The following NAALADL2 variants were observed in gnomAD, a reference collection of about 807,000 sequenced individuals.
NAALADL2 encodes inactive N-acetylated-alpha-linked acidic dipeptidase-like protein 2.
NAALADL2 carries 76 observed loss-of-function variants against 87.2 expected under a neutral mutation model. The ratio of observed to expected loss-of-function variants is 0.87; its 90% confidence interval spans 0.72 to 1.05. NAALADL2 has a LOEUF of 1.05. Ranked by LOEUF, NAALADL2 falls within the 50% of genes least tolerant of loss-of-function variation. The pLI, the probability that NAALADL2 is intolerant of heterozygous loss-of-function variation, is 0.00. For synonymous variants in NAALADL2, 354 were observed against 331.0 expected (o/e 1.07, Z -0.75); for missense variants, 1,089 against 945.8 (o/e 1.15, Z -1.99).
intron 11 of NAALADL2, among the ~76,000 whole-genome samples, chr3:175,711,724 C>T (rs1325685163): frequency 6.6e-6 from 1 of 151,774 alleles, no homozygotes. Flanking sequence ...ATTCTTGTTG[C>T]TGTTTTGTGT....
chr3:175,648,743 T>TTA (rs1730359638), intron 11 of NAALADL2, among the ~76,000 whole-genome samples: 1 of 152,202 alleles, frequency 6.6e-6, no homozygotes, highest in East Asian at 1.9e-4. Context: ...TTGCTGAACC[T>TTA]TATTGCATCT....
At chr3:175,538,556 TA>T (rs1339553927) in intron 9 of NAALADL2, among the ~76,000 whole-genome samples, 18 of 152,300 alleles carry the variant, frequency 1.2e-4, no homozygotes, top group African/African-American at 4.3e-4. Context: ...TGAAGTTTTC[TA>T]TCCTAATATT....
intron 1 of NAALADL2, among the ~76,000 whole-genome samples, chr3:174,960,089 G>C (rs1420653736): frequency 1.3e-5 from 2 of 152,000 alleles, no homozygotes; most frequent in Admixed American, 6.6e-5. Flanking sequence ...AGTAGCAGAA[G>C]CTGTTTTAAC....
chr3:175,776,591 G>A (rs974226979), intron 13 of NAALADL2, among the ~76,000 whole-genome samples: 20 of 152,012 alleles, frequency 1.3e-4, no homozygotes, highest in African/African-American at 4.6e-4. Flanking sequence ...ACCTGTTGCA[G>A]TCCCTTTACA....
chr3:175,463,645 A>C (rs1361134962), intron 7 of NAALADL2, among the ~76,000 whole-genome samples, 152 bp downstream of exon 7: 1 of 150,938 alleles, frequency 6.6e-6, no homozygotes, highest in Non-Finnish European at 1.5e-5. Context: ...GAAACTAAGA[A>C]GTGGGTCTTC....
intron 1 of NAALADL2, among the ~76,000 whole-genome samples, chr3:174,940,048 T>A (rs184013535): frequency 1.2e-4 from 18 of 152,250 alleles, no homozygotes; most frequent in African/African-American, 3.6e-4. Flanking sequence ...CTATGTTGAA[T>A]AGAAGTGGTG....
At chr3:174,786,301 A>G (rs1217447286) in intron 3 of NAALADL2, among the ~76,000 whole-genome samples, 1 of 151,866 alleles carries the variant, frequency 6.6e-6, no homozygotes, top group East Asian at 1.9e-4. Context: ...ATACCAAAAA[A>G]TTAGCCGGGT....
chr3:174,884,748 T>A (rs1048437149), intron 1 of NAALADL2, among the ~76,000 whole-genome samples: 3 of 152,178 alleles, frequency 2.0e-5, no homozygotes, highest in Non-Finnish European at 4.4e-5. Context: ...CTCTCATGCC[T>A]GTTCTCCAGA....
intron 1 of NAALADL2, among the ~76,000 whole-genome samples, chr3:175,015,922 T>G (rs1279030001): frequency 6.6e-6 from 1 of 151,930 alleles, no homozygotes; most frequent in African/African-American, 2.4e-5. Flanking sequence ...TTAACTTAAT[T>G]GTTAGTTTGT....
chr3:174,797,964 G>A (rs1023438181), intron 3 of NAALADL2, among the ~76,000 whole-genome samples: 8 of 152,044 alleles, frequency 5.3e-5, no homozygotes, highest in African/African-American at 1.9e-4. Flanking sequence ...TTCTATGTAT[G>A]TATCTAAGAG....
At chr3:175,707,951 A>G (rs1185175642) in intron 11 of NAALADL2, among the ~76,000 whole-genome samples, 2 of 152,032 alleles carry the variant, frequency 1.3e-5, no homozygotes, top group African/African-American at 2.4e-5. Context: ...CTCCTGGAAA[A>G]CAGTGGTGTC....
chr3:175,280,429 G>T (rs1482439986), intron 4 of NAALADL2, among the ~76,000 whole-genome samples: 1 of 152,086 alleles, frequency 6.6e-6, no homozygotes, highest in African/African-American at 2.4e-5. Flanking sequence ...AATGTTGTTA[G>T]TTTGTGATTA....
intron 2 of NAALADL2, among the ~76,000 whole-genome samples, chr3:174,650,452 C>G (rs574721640): frequency 2.6e-4 from 40 of 152,204 alleles, no homozygotes; most frequent in African/African-American, 9.4e-4. Context: ...CCCAGTATTT[C>G]CCTGCATTAT....
At chr3:175,713,795 T>C (rs1461981275) in intron 11 of NAALADL2, among the ~76,000 whole-genome samples, 1 of 152,118 alleles carries the variant, frequency 6.6e-6, no homozygotes. Flanking sequence ...ATTTGTTACA[T>C]AGGTATACAC....
chr3:174,990,840 G>C (rs1746632121), intron 1 of NAALADL2, among the ~76,000 whole-genome samples: 1 of 152,042 alleles, frequency 6.6e-6, no homozygotes, highest in African/African-American at 2.4e-5. Flanking sequence ...ATGGGACCGA[G>C]GTATCAGTAT....
At chr3:174,585,747 A>G (rs566632047) in intron 2 of NAALADL2, among the ~76,000 whole-genome samples, 1 of 152,318 alleles carries the variant, frequency 6.6e-6, no homozygotes, top group Non-Finnish European at 1.5e-5. Flanking sequence ...AGCAATATTA[A>G]TAATAACGAT....
At chr3:174,858,082 CTA>C (rs1274947710), upstream of NAALADL2, among the ~76,000 whole-genome samples, 15 of 145,178 alleles carry the variant, frequency 1.0e-4, no homozygotes, top group Non-Finnish European at 1.1e-4. Context: ...TAACTACAGC[CTA>C]TATATATATA....
chr3:174,895,022 G>A (rs985579858), intron 1 of NAALADL2, among the ~76,000 whole-genome samples: 3 of 152,040 alleles, frequency 2.0e-5, no homozygotes, highest in Non-Finnish European at 4.4e-5. Flanking sequence ...ATGGTATACA[G>A]CAAAAGCAGT....
intron 1 of NAALADL2, among the ~76,000 whole-genome samples, chr3:174,924,634 C>G (rs1009685906): frequency 3.3e-5 from 5 of 152,058 alleles, no homozygotes; most frequent in Admixed American, 3.3e-4. Context: ...GAGGAATCGC[C>G]ACACTGTCTT....
Sources: allele counts gnomAD v4.1 joint callset (sites outside exome capture counted in the v4.1 genomes callset), GRCh38; gene constraint gnomAD v4.1.1; transcripts MANE v1.5; gene names NCBI Gene and HGNC (gene_info 2026-07-23, HGNC 2026-07-21).